Variants in FAM174A observed in about 807,000 individuals in gnomAD.
The protein encoded by FAM174A is membrane protein FAM174A.
In FAM174A, 14 loss-of-function variants were observed where a neutral mutation model predicts 14.3. That is an observed-to-expected ratio of 0.98 (90% confidence interval 0.65 to 1.53). FAM174A has a LOEUF of 1.53. FAM174A is among the 40% of genes most tolerant of loss of function. The pLI is 0.00. For synonymous variants in FAM174A, 108 were observed against 111.4 expected, an observed-to-expected ratio of 0.97 and a Z score of 0.19; for missense variants, 241 against 249.6, an observed-to-expected ratio of 0.97 and a Z score of 0.23.
chr5:100,561,353 G>A (rs991207477), intron 1 of FAM174A, among the ~76,000 whole-genome samples: 3 of 151,912 alleles, frequency 2.0e-5, no homozygotes, highest in Admixed American at 6.6e-5. Context: ...TTATTCACTA[G>A]GTCTGGGCTA....
chr5:100,538,508 C>CAT (rs1311845903), intron 1 of FAM174A, among the ~76,000 whole-genome samples: 239 of 150,268 alleles, frequency 1.6e-3, no homozygotes, highest in African/African-American at 4.4e-3. Flanking sequence ...AAATACAAAA[C>CAT]ATATATATAT....
chr5:100,573,886 C>G (rs568080787), intron 2 of FAM174A, among the ~76,000 whole-genome samples: 2 of 151,696 alleles, frequency 1.3e-5, no homozygotes. Flanking sequence ...AGATATAGAT[C>G]AATGGAACAG....
At position 100,580,414 on chromosome 5, in the gene FAM174A, A is replaced by G. The variant is rs552174566; in HGVS notation, c.570-5767A>G. Among the ~76,000 whole-genome samples, 3 of 152,336 alleles carry G rather than the reference A, an allele frequency of 2.0e-5. No individual in the cohort carries two copies. In the South Asian group the frequency reaches 6.2e-4, roughly 32 times the overall value. ...AACTCACACGATCACAAGGTCCCAC[A>G]ATAAGCCATGTGCAGGCTGAGGAGC... On this transcript the variant is annotated intron_variant, in intron 2 of 2. Coordinates refer to ENST00000312637, the MANE Select transcript of FAM174A (RefSeq NM_198507.3).
intron 1 of FAM174A, among the ~76,000 whole-genome samples, chr5:100,540,855 A>T (rs142217711): frequency 6.6e-6 from 1 of 152,302 alleles, no homozygotes; most frequent in Admixed American, 6.5e-5. Context: ...GGCCAGAGCA[A>T]TGCTTGCTCA....
intron 2 of FAM174A, among the ~76,000 whole-genome samples, chr5:100,583,636 C>CG (rs1484866165): frequency 6.6e-6 from 1 of 151,432 alleles, no homozygotes; most frequent in African/African-American, 2.4e-5. Flanking sequence ...CTTTTATTAC[C>CG]GATTTTTTTT....
At chr5:100,537,743 C>T (rs1197023921) in intron 1 of FAM174A, among the ~76,000 whole-genome samples, 1 of 152,074 alleles carries the variant, frequency 6.6e-6, no homozygotes, top group Non-Finnish European at 1.5e-5. Context: ...AAATTATTTT[C>T]CTCACTATAT....
chr5:100,535,940 T>C lies in FAM174A; in HGVS notation c.410T>C (p.Val137Ala). ...VLMVVSGAVL[V>A]YFVVRTVRMR... is the part of the protein sequence containing the mutation. ...ATGGTGGTGAGCGGCGCGGTGCTGG[T>C]GTACTTCGTGGTCAGGACGGTCAGG... Residue 137 changes from valine (V) to alanine (A), a missense_variant, in exon 1 of 3, where the codon GTG becomes GCG. Coordinates refer to ENST00000312637, the MANE Select transcript of FAM174A (RefSeq NM_198507.3). 1.9e-6 allele frequency: 3 copies of C among 1,598,354 alleles called. No homozygotes were observed. The highest frequency in any genetic ancestry group is 2.6e-6 in the Non-Finnish European group (3 of 1,169,400).
At chr5:100,586,004 T>G (rs542683477) in intron 2 of FAM174A, among the ~76,000 whole-genome samples, 177 bp from the exon 3 acceptor site, 1 of 152,310 alleles carries the variant, frequency 6.6e-6, no homozygotes, top group African/African-American at 2.4e-5. Context: ...AATAGATAAT[T>G]TCTGAAATAA....
intron 2 of FAM174A, among the ~76,000 whole-genome samples, chr5:100,572,357 C>T (rs1247013372): frequency 1.0e-4 from 15 of 150,546 alleles, no homozygotes; most frequent in Admixed American, 9.9e-4. Flanking sequence ...CCCACTAACT[C>T]GTCATCTAGC....
At chr5:100,556,639 C>G (rs1320421278) in intron 1 of FAM174A, among the ~76,000 whole-genome samples, 1 of 152,092 alleles carries the variant, frequency 6.6e-6, no homozygotes, top group Non-Finnish European at 1.5e-5. Flanking sequence ...TTGTAGTTCT[C>G]CTTGAAGAGG....
intron 1 of FAM174A, among the ~76,000 whole-genome samples, chr5:100,557,968 G>T (rs1746431063): frequency 6.6e-6 from 1 of 151,888 alleles, no homozygotes; most frequent in African/African-American, 2.4e-5. Context: ...GTTATTTCTT[G>T]CCTTCTGCTA....
intron 1 of FAM174A, among the ~76,000 whole-genome samples, chr5:100,560,718 A>T (rs151194645): frequency 6.6e-6 from 1 of 152,068 alleles, no homozygotes; most frequent in Non-Finnish European, 1.5e-5. Context: ...AGTTGATGTT[A>T]TAGCCCAAGT....
At chr5:100,548,707 G>A (rs1746208090) in intron 1 of FAM174A, among the ~76,000 whole-genome samples, 1 of 152,046 alleles carries the variant, frequency 6.6e-6, no homozygotes, top group Non-Finnish European at 1.5e-5. Flanking sequence ...TAAGCTATAG[G>A]ATTGTTATGA....
chr5:100,559,676 T>C (rs901110481), intron 1 of FAM174A, among the ~76,000 whole-genome samples: 7 of 152,130 alleles, frequency 4.6e-5, no homozygotes, highest in Admixed American at 1.3e-4. Context: ...TAAAATTCTC[T>C]TGTCACTTCA....
intron 1 of FAM174A, among the ~76,000 whole-genome samples, chr5:100,544,508 A>C (rs919821978): frequency 2.0e-5 from 3 of 152,146 alleles, no homozygotes; most frequent in African/African-American, 7.2e-5. Context: ...AAAAGAATAA[A>C]AAAGAAATAA....
At chr5:100,580,950 T>C (rs115637959) in intron 2 of FAM174A, among the ~76,000 whole-genome samples, 1 of 152,084 alleles carries the variant, frequency 6.6e-6, no homozygotes, top group Admixed American at 6.6e-5. Flanking sequence ...TGTTTTGAGA[T>C]AGATTTTGGC....
chr5:100,553,367 CT>C (rs1746302379), intron 1 of FAM174A, among the ~76,000 whole-genome samples: 2 of 151,940 alleles, frequency 1.3e-5, no homozygotes, highest in Non-Finnish European at 2.9e-5. Flanking sequence ...TTTGAAATTG[CT>C]TTTTTTCTTC....
At chr5:100,563,603 A>G (rs1349194280) in intron 2 of FAM174A, among the ~76,000 whole-genome samples, 4 of 151,820 alleles carry the variant, frequency 2.6e-5, no homozygotes, top group Non-Finnish European at 5.9e-5. Flanking sequence ...AAAATCAATA[A>G]AGAAACCTCT....
chr5:100,546,660 T>A (rs1746169701), intron 1 of FAM174A, among the ~76,000 whole-genome samples: 1 of 152,224 alleles, frequency 6.6e-6, no homozygotes, highest in South Asian at 2.1e-4. Context: ...GTAAATACTT[T>A]TGCCATTAGC....
Sources: gnomAD v4.1 joint callset for allele counts (sites outside exome capture counted in the v4.1 genomes callset) on GRCh38, gnomAD v4.1.1 for gene constraint, MANE v1.5 for transcripts, NCBI Gene and HGNC (gene_info 2026-07-23, HGNC 2026-07-21) for gene names.